Variants in SOX8 observed in about 807,000 individuals in gnomAD.
SOX8 encodes the protein SRY-box transcription factor 8, also known as transcription factor SOX-8.
Under a neutral mutation model 22.9 loss-of-function variants are expected in SOX8, and 9 were observed. That is an observed-to-expected ratio of 0.39 (90% CI 0.24 to 0.69). SOX8 has a LOEUF of 0.69. Among genes scored for constraint, SOX8 ranks in the 30% least tolerant of loss-of-function variants. SOX8 has a pLI of 0.43. For synonymous variants in SOX8, 416 were observed against 330.6 expected (o/e 1.26, Z -2.80); for missense variants, 734 against 699.4 (o/e 1.05, Z -0.56).
In SOX8 at chr16:982,288, C is replaced by A; in HGVS notation, c.366C>A (p.Asp122Glu). The change falls in exon 1 of 3, where the codon GAC becomes GAA. Residue 122 changes from aspartate (D) to glutamate (E), a missense_variant. Around this residue, in one of 3 missense-constraint regions of SOX8, gnomAD observed 588 missense variants for 568.2 expected, o/e 1.03. Coordinates refer to ENST00000293894, the MANE Select transcript of SOX8 (RefSeq NM_014587.5). ...WAQAARRKLA[D>E]QYPHLHNAEL... ...AGGCGGCGCGCCGCAAGCTGGCCGA[C>A]CAGTACCCGCACCTGCACAACGCCG... The A allele has an allele frequency of 6.6e-7, 1 of 1,514,526 alleles. No homozygotes were observed. 93.8% of individuals were successfully genotyped at this position (1,514,526 alleles called of 1,614,324 possible).
rs1319847686 is a variant in SOX8 at position 985,046 on chromosome 16, C to T, written c.1001C>T (p.Pro334Leu). 5.1e-6 allele frequency: 8 copies of T among 1,579,440 alleles called. No individual in the cohort carries two copies. In the African/African-American group the frequency reaches 8.1e-5, roughly 16 times the overall value. ...GCGTCGCCCACCGAGACGGGTCCCC[C>T]ACGGCCGCACATCAAGACGGAGCAG... ...ASASPTETGP[P>L]RPHIKTEQPS... Residue 334 changes from proline to leucine, a missense_variant, in exon 3 of 3, where the codon CCA becomes CTA. Physicochemically the swap from Pro to Leu is moderately conservative, Grantham distance 98 (BLOSUM62 -3). This residue lies in a region of SOX8 where 588 missense variants were observed against 568.2 expected (regional missense o/e 1.03). Coordinates refer to ENST00000293894, the MANE Select transcript of SOX8 (RefSeq NM_014587.5).
At position 982,219 on chromosome 16, in the gene SOX8, G is replaced by T; in HGVS notation, c.297G>T (p.Lys99Asn). 1 of 1,539,128 alleles carries T rather than the reference G, an allele frequency of 6.5e-7. No individual in the cohort carries two copies. The highest frequency in any genetic ancestry group is 1.2e-5 in the South Asian group (1 of 82,738). ...GCGGCGGCGGCGCGCTCAAAGCCAA[G>T]CCGCATGTGAAGCGGCCCATGAACG... ...RGGGGGALKA[K>N]PHVKRPMNAF... The change falls in exon 1 of 3, where the codon AAG becomes AAT. Residue 99 changes from lysine (K) to asparagine (N), a missense_variant. Transcript: ENST00000293894.
chr16:983,869 G>C lies in SOX8; in HGVS notation c.564G>C (p.Ser188=). The part of the protein sequence containing the change: ...SAKAGHSDSD[S]GAELGPHPGG... Reference sequence around the variant, plus strand: ...AAGCCGGCCACAGCGACTCCGACTCGGGCGCGGAGCTGGGACCCCACCCTG... The same window carrying C: ...AAGCCGGCCACAGCGACTCCGACTCCGGCGCGGAGCTGGGACCCCACCCTG... Residue 188 remains serine (S), a synonymous_variant, in exon 2 of 3, where the codon TCG becomes TCC. Transcript: ENST00000293894. The C allele has an allele frequency of 1.2e-6, 2 of 1,611,766 alleles. No homozygotes were observed. Among genetic ancestry groups the C allele is most frequent in the Non-Finnish European group, 8.5e-7 (1 of 1,179,332 alleles).
In SOX8 at chr16:982,044, G is replaced by A; in HGVS notation, c.122G>A (p.Gly41Asp). ...DAPPSPAGSE[G>D]LGRAGVAVGG... The stretch of plus-strand genomic sequence containing the variant: ...CCGCCGTCTCCCGCCGGCTCCGAGG[G>A]CCTGGGCCGCGCGGGGGTCGCGGTG... Residue 41 changes from glycine to aspartate, a missense_variant, in exon 1 of 3, where the codon GGC (glycine) becomes GAC (aspartate). Gly to Asp is a moderately conservative substitution (Grantham distance 94). Transcript: ENST00000293894. The A allele has an allele frequency of 7.6e-7, 1 of 1,313,734 alleles. No homozygotes were observed. The highest frequency in any genetic ancestry group is 9.6e-7 in the Non-Finnish European group (1 of 1,039,962). The allele number at this position is 1,313,734 out of a possible 1,614,324, so 81.4% of individuals were successfully genotyped here. A position where few individuals can be genotyped will look rare whatever the true frequency, so the allele number is the denominator to read the frequency against.
At chr16:983,697 T>A in intron 1 of SOX8, 31 bp from the exon 2 acceptor site, 2 of 1,597,074 alleles carry the variant, frequency 1.3e-6, no homozygotes, top group Non-Finnish European at 1.7e-6. Flanking sequence ...GTGGGCGCCC[T>A]GGCCATCCCT....
chr16:983,725 C>T lies in SOX8; in HGVS notation c.423-3C>T. 1 of 1,611,302 alleles carries T rather than the reference C, an allele frequency of 6.2e-7. No homozygotes were observed. Among genetic ancestry groups the T allele is most frequent in the South Asian group, 1.1e-5 (1 of 90,820 alleles). On this transcript the variant is annotated splice_polypyrimidine_tract_variant and splice_region_variant and intron_variant, in intron 1 of 2. Coordinates refer to ENST00000293894, the MANE Select transcript of SOX8 (RefSeq NM_014587.5). ...CCATCCCTGCCTCTGCCCTGTGCTGCAGCTTGCTGAGCGAGAGCGAGAAGC... is the reference window on the plus strand; with the variant it reads ...CCATCCCTGCCTCTGCCCTGTGCTGTAGCTTGCTGAGCGAGAGCGAGAAGC...
rs919535513 is a variant in SOX8 at position 983,619 on chromosome 16, T to C, written c.423-109T>C. The C allele has an allele frequency of 2.9e-6, 3 of 1,043,876 alleles. No individual in the cohort carries two copies. The African/African-American group carries it at 4.8e-5, about 17-fold the overall frequency. The allele number at this position is 1,043,876 out of a possible 1,614,324, so 64.7% of individuals were successfully genotyped here. ...GCGCACGGCAGGCGGGTTTCCCTGG[T>C]CAGAGCCTCCTGGCCCCGGCCTCTG... is the stretch of plus-strand genomic sequence containing the variant. On this transcript the variant is annotated intron_variant, in intron 1 of 2. Coordinates refer to ENST00000293894, the MANE Select transcript of SOX8 (RefSeq NM_014587.5).
chr16:985,324 C>T lies in SOX8; in HGVS notation c.1279C>T (p.Pro427Ser). 1 of 1,599,588 alleles carries T rather than the reference C, an allele frequency of 6.3e-7. No individual in the cohort carries two copies. The highest frequency in any genetic ancestry group is 1.7e-4 in the Middle Eastern group (1 of 6,050). The change falls in exon 3 of 3, where the codon CCC (proline) becomes TCC (serine). Residue 427 changes from proline (P) to serine (S), a missense_variant. Physicochemically the swap from Pro to Ser is moderately conservative, Grantham distance 74. Transcript: ENST00000293894. Reference sequence around the variant, plus strand: ...CCTGCTCAACGGCCTGGCCCTGCCGCCCGCCCACAGCCCCACCAGTCACTG... The same window carrying T: ...CCTGCTCAACGGCCTGGCCCTGCCGTCCGCCCACAGCCCCACCAGTCACTG... The part of the protein sequence containing the change: ...SPLLNGLALP[P>S]AHSPTSHWDQ...
chr16:981,930 A>G lies in SOX8; in HGVS notation c.8A>G (p.Asp3Gly). The G allele has an allele frequency of 7.3e-7, 1 of 1,368,450 alleles. No homozygotes were observed. The highest frequency in any genetic ancestry group is 9.5e-7 in the Non-Finnish European group (1 of 1,057,910). The allele number at this position is 1,368,450 out of a possible 1,614,324, so 84.8% of individuals were successfully genotyped here. A position where few individuals can be genotyped will look rare whatever the true frequency, so the allele number is the denominator to read the frequency against. The stretch of plus-strand genomic sequence containing the variant: ...CCTCCGCGCGCGGCCCCGATGCTGG[A>G]CATGAGCGAGGCCCGCTCCCAGCCG... ML[D>G]MSEARSQPPC... The change falls in exon 1 of 3, where the codon GAC becomes GGC. Residue 3 changes from aspartate to glycine, a missense_variant. Physicochemically the swap from Asp to Gly is moderately conservative, Grantham distance 94. Around this residue, in one of 3 missense-constraint regions of SOX8, gnomAD observed 139 missense variants for 109.1 expected, o/e 1.27. Transcript: ENST00000293894.
rs372876275 is a variant in SOX8 at position 984,763 on chromosome 16, G to T, written c.718G>T (p.Ala240Ser). ...CAAGACGGAGCTGCAGCAGGCGGGC[G>T]CCAAGCCGGAGCTGAAGCTGGAGGG... is the stretch of plus-strand genomic sequence containing the variant. ...TPKTELQQAGAKPELKLEGRR... is the reference protein window; with the variant it reads ...TPKTELQQAGSKPELKLEGRR... The change falls in exon 3 of 3, where the codon GCC (alanine) becomes TCC (serine). Residue 240 changes from alanine to serine, a missense_variant. Coordinates refer to ENST00000293894, the MANE Select transcript of SOX8 (RefSeq NM_014587.5). The T allele has an allele frequency of 3.7e-6, 6 of 1,601,408 alleles. No homozygotes were observed. The highest frequency in any genetic ancestry group is 5.1e-6 in the Non-Finnish European group (6 of 1,175,836).
At position 985,052 on chromosome 16, in the gene SOX8, C is replaced by T. The variant is rs559272063; in HGVS notation, c.1007C>T (p.Pro336Leu). The T allele has an allele frequency of 1.0e-4, 163 of 1,580,978 alleles. 1 individual carries two copies. The South Asian group carries it at 1.2e-3, about 11-fold the overall frequency. The change falls in exon 3 of 3, where the codon CCG (proline) becomes CTG (leucine). Residue 336 changes from proline to leucine, a missense_variant. Pro to Leu is a moderately conservative substitution (Grantham distance 98). Around this residue, in one of 3 missense-constraint regions of SOX8, gnomAD observed 588 missense variants for 568.2 expected, o/e 1.03. Coordinates refer to ENST00000293894, the MANE Select transcript of SOX8 (RefSeq NM_014587.5). ...CCCACCGAGACGGGTCCCCCACGGC[C>T]GCACATCAAGACGGAGCAGCCGAGC... ...ASPTETGPPR[P>L]HIKTEQPSPG...
chr16:984,859 G>A lies in SOX8; in HGVS notation c.814G>A (p.Glu272Lys). The change falls in exon 3 of 3, where the codon GAG becomes AAG. Residue 272 changes from glutamate to lysine, a missense_variant. By Grantham distance (56) the Glu-to-Lys change is moderately conservative. Around this residue, in one of 3 missense-constraint regions of SOX8, gnomAD observed 588 missense variants for 568.2 expected, o/e 1.03. Transcript: ENST00000293894. ...SNVDISELSS[E>K]VMGTMDAFDV... The stretch of plus-strand genomic sequence containing the variant: ...CGTGGACATCTCGGAGCTCAGCAGC[G>A]AGGTCATGGGCACCATGGACGCCTT... 4 of 1,612,056 alleles carry A rather than the reference G, an allele frequency of 2.5e-6. No homozygotes were observed. Among genetic ancestry groups the A allele is most frequent in the Non-Finnish European group, 3.4e-6 (4 of 1,179,492 alleles).
At position 984,932 on chromosome 16, in the gene SOX8, C is replaced by T. The variant is rs1275074229; in HGVS notation, c.887C>T (p.Pro296Leu). 14 of 1,602,868 alleles carry T rather than the reference C, an allele frequency of 8.7e-6. No homozygotes were observed. Among genetic ancestry groups the T allele is most frequent in the Non-Finnish European group, 1.2e-5 (14 of 1,174,584 alleles). ...DQYLPLGGPA[P>L]PEPGQAYGGA... Reference sequence around the variant, plus strand: ...TACCTGCCCCTGGGCGGCCCCGCCCCACCCGAGCCGGGCCAGGCCTATGGG... The same window carrying T: ...TACCTGCCCCTGGGCGGCCCCGCCCTACCCGAGCCGGGCCAGGCCTATGGG... The change falls in exon 3 of 3, where the codon CCA becomes CTA. Residue 296 changes from proline to leucine, a missense_variant. Around this residue, in one of 3 missense-constraint regions of SOX8, gnomAD observed 588 missense variants for 568.2 expected, o/e 1.03. Coordinates refer to ENST00000293894, the MANE Select transcript of SOX8 (RefSeq NM_014587.5).
At chr16:982,519 C>G in intron 1 of SOX8, 175 bp downstream of exon 1, 1 of 661,290 alleles carries the variant, frequency 1.5e-6, no homozygotes, top group Non-Finnish European at 2.2e-6. Flanking sequence ...CATCCTCTGG[C>G]CAGCCGGGGT....
In SOX8 at chr16:985,345, C is replaced by A. The variant is rs1224381313; in HGVS notation, c.1300C>A (p.His434Asn). The change falls in exon 3 of 3, where the codon CAC (histidine) becomes AAC (asparagine). Residue 434 changes from histidine (H) to asparagine (N), a missense_variant. Physicochemically the swap from His to Asn is moderately conservative, Grantham distance 68 (BLOSUM62 1). Coordinates refer to ENST00000293894, the MANE Select transcript of SOX8 (RefSeq NM_014587.5). ...GCCGCCCGCCCACAGCCCCACCAGT[C>A]ACTGGGACCAGCCGGTGTACACCAC... Reference protein sequence around the residue: ...ALPPAHSPTSHWDQPVYTTLT... With the variant: ...ALPPAHSPTSNWDQPVYTTLT... The A allele has an allele frequency of 6.3e-7, 1 of 1,589,126 alleles. No homozygotes were observed. Among genetic ancestry groups the A allele is most frequent in the South Asian group, 1.1e-5 (1 of 89,124 alleles).
chr16:984,086 G>A (rs1377858202), intron 2 of SOX8, 126 bp downstream of exon 2: 5 of 887,044 alleles, frequency 5.6e-6, no homozygotes, highest in East Asian at 3.0e-5. Flanking sequence ...GGCCTTCCCC[G>A]GGTTCCCTGA....
rs139795088 is a variant in SOX8, at chr16:984,941, C to T, written c.896C>T (p.Pro299Leu). The change falls in exon 3 of 3, where the codon CCG becomes CTG. Residue 299 changes from proline (P) to leucine (L), a missense_variant. By Grantham distance (98) the Pro-to-Leu change is moderately conservative. Around this residue, in one of 3 missense-constraint regions of SOX8, gnomAD observed 588 missense variants for 568.2 expected, o/e 1.03. Transcript: ENST00000293894. ...LPLGGPAPPE[P>L]GQAYGGAYFH... ...CTGGGCGGCCCCGCCCCACCCGAGC[C>T]GGGCCAGGCCTATGGGGGCGCCTAC... 5.6e-6 allele frequency: 9 copies of T among 1,601,232 alleles called. 1 individual carries two copies. Among genetic ancestry groups the T allele is most frequent in the South Asian group, 4.4e-5 (4 of 90,046 alleles).
At position 985,422 on chromosome 16, in the gene SOX8, G is replaced by GTCAGC; in HGVS notation, c.*36_*37insTCAGC. 1 of 1,471,416 alleles carries GTCAGC rather than the reference G, an allele frequency of 6.8e-7. No individual in the cohort carries two copies. The highest frequency in any genetic ancestry group is 1.3e-5 in the South Asian group (1 of 75,238). 91.1% of individuals were successfully genotyped at this position (1,471,416 alleles called of 1,614,324 possible). The stretch of plus-strand genomic sequence containing the variant: ...GCGGGGAGGGACTCGCAGGCGTCAG[G>GTCAGC]GGGCAGCCTTGTCCCGGCCCAGTGT... On this transcript the variant is annotated 3_prime_UTR_variant, in exon 3 of 3. Transcript: ENST00000293894.
chr16:981,936 G>T lies in SOX8; in HGVS notation c.14G>T (p.Ser5Ile). The T allele has an allele frequency of 7.2e-7, 1 of 1,397,326 alleles. No homozygotes were observed. The highest frequency in any genetic ancestry group is 9.3e-7 in the Non-Finnish European group (1 of 1,072,722). 86.6% of individuals were successfully genotyped at this position (1,397,326 alleles called of 1,614,324 possible). A position where few individuals can be genotyped will look rare whatever the true frequency, so the allele number is the denominator to read the frequency against. ...CGCGCGGCCCCGATGCTGGACATGA[G>T]CGAGGCCCGCTCCCAGCCGCCCTGC... MLDM[S>I]EARSQPPCSP... Residue 5 changes from serine to isoleucine, a missense_variant, in exon 1 of 3, where the codon AGC becomes ATC. By Grantham distance (142) the Ser-to-Ile change is moderately radical (BLOSUM62 -2). Around this residue, in one of 3 missense-constraint regions of SOX8, gnomAD observed 139 missense variants for 109.1 expected, o/e 1.27. Coordinates refer to ENST00000293894, the MANE Select transcript of SOX8 (RefSeq NM_014587.5).
Sources: gnomAD v4.1 joint callset for allele counts on GRCh38, gnomAD v4.1.1 for gene constraint, gnomAD v4.1.1 regional missense constraint, MANE v1.5 for transcripts, NCBI Gene and HGNC (gene_info 2026-07-23, HGNC 2026-07-21) for gene names.